EIF2AK3: variants seen among roughly 807,000 people sequenced by gnomAD.
The protein encoded by EIF2AK3 is eukaryotic translation initiation factor 2-alpha kinase 3.
EIF2AK3 carries 50 observed loss-of-function variants against 113.5 expected under a neutral mutation model. The ratio of observed to expected loss-of-function variants is 0.44; its 90% CI spans 0.35 to 0.56. The LOEUF (loss-of-function observed/expected upper bound fraction) is 0.56, where lower values mean the gene tolerates loss of function less well. EIF2AK3 is among the 20% of genes least tolerant of loss of function. The probability of loss-of-function intolerance (pLI) is 0.00; values close to 1 mark genes in which losing one functional copy is unlikely to be tolerated. For synonymous variants in EIF2AK3, 448 were observed against 495.4 expected (o/e 0.90, Z 1.27); for missense variants, 1,185 against 1,378.0 (o/e 0.86, Z 2.22).
chr2:88,571,769 T>C (rs991301697), intron 13 of EIF2AK3, among the ~76,000 whole-genome samples: 3 of 152,214 alleles, frequency 2.0e-5, no homozygotes, highest in African/African-American at 4.8e-5. Flanking sequence ...GGATAAGAGC[T>C]CTTCACTACT....
chr2:88,613,689 A>C, intron 2 of EIF2AK3, 35 bp downstream of exon 2: 1 of 1,613,050 alleles, frequency 6.2e-7, no homozygotes, highest in Non-Finnish European at 8.5e-7. Flanking sequence ...ATTAGAATTA[A>C]GTTTTCTAGT....
chr2:88,627,464 T>C lies in EIF2AK3; in HGVS notation c.-190A>G. 1.6e-6 allele frequency: 1 copy of C among 636,040 alleles called. No individual in the cohort carries two copies. The highest frequency in any genetic ancestry group is 2.3e-6 in the Non-Finnish European group (1 of 432,720). The allele number at this position is 636,040 out of a possible 1,614,324, so 39.4% of individuals were successfully genotyped here. ...TGCCGCTGCCACCTGAGTGACAGCC[T>C]ATCTCGGACATCGCCCATTGAGCAA... On this transcript the variant is annotated 5_prime_UTR_variant, in exon 1 of 17. Coordinates refer to ENST00000303236, the MANE Select transcript of EIF2AK3 (RefSeq NM_004836.7).
chr2:88,575,643 T>TA (rs1397309312), intron 12 of EIF2AK3, 197 bp from the exon 13 acceptor site: 2 of 658,048 alleles, frequency 3.0e-6, no homozygotes, highest in Non-Finnish European at 5.2e-6. Flanking sequence ...CTAAAAAACT[T>TA]AATTTTAAAG....
chr2:88,588,165 T>A, intron 7 of EIF2AK3, 61 bp from the exon 8 acceptor site: 1 of 1,127,494 alleles, frequency 8.9e-7, no homozygotes, highest in Non-Finnish European at 1.2e-6. Flanking sequence ...TGTTATGACT[T>A]GAATAAAAAT....
intron 2 of EIF2AK3, among the ~76,000 whole-genome samples, chr2:88,599,947 TA>T (rs1675110596): frequency 6.6e-6 from 1 of 152,166 alleles, no homozygotes; most frequent in African/African-American, 2.4e-5. Flanking sequence ...AAATATAGTT[TA>T]AAGATTCAAG....
rs930862926 is a variant in EIF2AK3, at chr2:88,586,631, C to G, written c.1430-570G>C. Among the ~76,000 whole-genome samples the G allele has an allele frequency of 5.1e-5, 7 of 137,856 alleles. No homozygotes were observed. In the South Asian group the frequency reaches 1.6e-3, roughly 32 times the overall value. 90.4% of individuals were successfully genotyped at this position (137,856 alleles called of 152,430 possible). A position where few individuals can be genotyped will look rare whatever the true frequency, so the allele number is the denominator to read the frequency against. On this transcript the variant is annotated intron_variant, in intron 8 of 16. Coordinates refer to ENST00000303236, the MANE Select transcript of EIF2AK3 (RefSeq NM_004836.7). The stretch of plus-strand genomic sequence containing the variant: ...TTTTTTTTTGAGACAGGGTCTTGCT[C>G]TGTTGCCCAGGCTGGAGTGCAGTGA...
At position 88,582,914 on chromosome 2, in the gene EIF2AK3, G is replaced by A. The variant is rs373282452; in HGVS notation, c.1763+516C>T. 2.7e-4 allele frequency among the ~76,000 whole-genome samples: 41 copies of A among 152,074 alleles called. No homozygotes were observed. The South Asian group carries it at 7.5e-3, about 28-fold the overall frequency. On this transcript the variant is annotated intron_variant, in intron 10 of 16. Transcript: ENST00000303236. The stretch of plus-strand genomic sequence containing the variant: ...TTCCAGTTATCACAATGCATCAAAG[G>A]TGACATTTTATACTTGAGAGATTGC...
Position 88,557,784 on chromosome 2 carries a change from T to C in EIF2AK3, c.3303A>G (p.Lys1101=). The change falls in exon 17 of 17, where the codon AAA becomes AAG. Residue 1101 remains lysine (K), a synonymous_variant. Coordinates refer to ENST00000303236, the MANE Select transcript of EIF2AK3 (RefSeq NM_004836.7). ...GGGAGTTGTTGGACTGTCTTGAATGTTTTGTTCCCGATGAACTCAAGGAGC... is the reference window on the plus strand; with the variant it reads ...GGGAGTTGTTGGACTGTCTTGAATGCTTTGTTCCCGATGAACTCAAGGAGC... ...RSRSLSSSGT[K]HSRQSNNSHS... 1.9e-6 allele frequency: 3 copies of C among 1,614,146 alleles called. No individual in the cohort carries two copies. The highest frequency in any genetic ancestry group is 2.5e-6 in the Non-Finnish European group (3 of 1,179,996).
At chr2:88,591,806 G>T (rs1558655434) in intron 4 of EIF2AK3, among the ~76,000 whole-genome samples, 1 of 152,130 alleles carries the variant, frequency 6.6e-6, no homozygotes, top group Non-Finnish European at 1.5e-5. Context: ...TAGAAACCCA[G>T]ATCCTTCCTA....
intron 10 of EIF2AK3, among the ~76,000 whole-genome samples, chr2:88,581,554 A>G (rs1674601920): frequency 6.6e-6 from 1 of 152,168 alleles, no homozygotes; most frequent in Admixed American, 6.5e-5. Context: ...CCAGGATAGG[A>G]GCAGTCTTTT....
At chr2:88,570,031 A>G (rs1674255402) in intron 14 of EIF2AK3, among the ~76,000 whole-genome samples, 1 of 151,400 alleles carries the variant, frequency 6.6e-6, no homozygotes, top group Admixed American at 6.6e-5. Context: ...TTTTTTTTGC[A>G]GGGGAATTGG....
At chr2:88,582,470 C>T (rs1674623943) in intron 10 of EIF2AK3, among the ~76,000 whole-genome samples, 1 of 152,056 alleles carries the variant, frequency 6.6e-6, no homozygotes, top group Non-Finnish European at 1.5e-5. Flanking sequence ...GTGTTGTTCT[C>T]CAATGGGAAA....
At chr2:88,568,224 T>G (rs1243077463) in intron 14 of EIF2AK3, among the ~76,000 whole-genome samples, 5 of 152,214 alleles carry the variant, frequency 3.3e-5, no homozygotes, top group African/African-American at 9.6e-5. Flanking sequence ...GATAGTCAAA[T>G]CCAGTGGTTC....
chr2:88,561,565 G>A (rs917234842), intron 15 of EIF2AK3, among the ~76,000 whole-genome samples: 7 of 152,168 alleles, frequency 4.6e-5, no homozygotes. Flanking sequence ...CCGGCCCAGA[G>A]GGCTACTTTA....
chr2:88,582,574 G>T (rs115176178), intron 10 of EIF2AK3, among the ~76,000 whole-genome samples: 3 of 152,148 alleles, frequency 2.0e-5, no homozygotes, highest in African/African-American at 4.8e-5. Context: ...ATTGTCACAA[G>T]TATTTCCTTA....
chr2:88,559,540 G>GTGTA (rs1181690260), intron 15 of EIF2AK3, among the ~76,000 whole-genome samples: 5 of 150,492 alleles, frequency 3.3e-5, no homozygotes, highest in Non-Finnish European at 7.4e-5. Context: ...GTGTGTGTGT[G>GTGTA]TGTATGTACA....
chr2:88,577,001 T>G (rs941773721), intron 11 of EIF2AK3, among the ~76,000 whole-genome samples: 1 of 151,756 alleles, frequency 6.6e-6, no homozygotes, highest in Non-Finnish European at 1.5e-5. Context: ...TTTTTTTTTT[T>G]GAGACAGGGT....
intron 1 of EIF2AK3, among the ~76,000 whole-genome samples, chr2:88,615,648 A>G (rs1223684430): frequency 6.6e-6 from 1 of 152,158 alleles, no homozygotes; most frequent in Non-Finnish European, 1.5e-5. Context: ...CACCCAGTCT[A>G]CAGTATTTTG....
rs1294172310 is a variant in EIF2AK3 at position 88,590,560 on chromosome 2, C to T, written c.1048G>A (p.Val350Ile). ...ASAWLLKDGK[V>I]IPISLFDDTS... The stretch of plus-strand genomic sequence containing the variant: ...TCATCAAAAAGACTGATGGGAATGA[C>T]TTTCCCATCCTTAAGTAACCAGGCA... Residue 350 changes from valine (V) to isoleucine (I), a missense_variant, in exon 6 of 17, where the codon GTC (valine) becomes ATC (isoleucine). By Grantham distance (29) the Val-to-Ile change is conservative. Coordinates refer to ENST00000303236, the MANE Select transcript of EIF2AK3 (RefSeq NM_004836.7). 1.2e-6 allele frequency: 2 copies of T among 1,613,378 alleles called. No homozygotes were observed. Among genetic ancestry groups the T allele is most frequent in the Non-Finnish European group, 8.5e-7 (1 of 1,179,910 alleles).
Sources: allele counts gnomAD v4.1 joint callset (sites outside exome capture counted in the v4.1 genomes callset), GRCh38; gene constraint gnomAD v4.1.1; transcripts MANE v1.5; gene names NCBI Gene and HGNC (gene_info 2026-07-23, HGNC 2026-07-21).